CFAP77: variants seen among roughly 807,000 people sequenced by gnomAD.
The protein encoded by CFAP77 is cilia- and flagella-associated protein 77.
In CFAP77, 25 loss-of-function variants were observed where a neutral mutation model predicts 31.1. That is an observed-to-expected ratio of 0.80 (90% CI 0.59 to 1.12). The LOEUF is 1.12. Among genes scored for constraint, CFAP77 ranks in the 50% most tolerant of loss-of-function variants. The probability of loss-of-function intolerance (pLI) is 0.00; values close to 1 mark genes in which losing one functional copy is unlikely to be tolerated. For missense variants in CFAP77, 377 were observed against 397.3 expected (o/e 0.95, Z 0.44); for synonymous variants, 151 against 159.9 (o/e 0.94, Z 0.42).
At chr9:132,463,446 G>A (rs550051695) in intron 1 of CFAP77, among the ~76,000 whole-genome samples, 37 of 152,288 alleles carry the variant, frequency 2.4e-4, no homozygotes, top group Non-Finnish European at 4.7e-4. Context: ...AAGTCAGGAA[G>A]CTGGGACAAA....
rs1008546262 is a variant in CFAP77, at chr9:132,564,302, G to T, written c.733-8086G>T. ...GATAGCACCAGTTCATTCCACATGA[G>T]GATTTTTTCATTGAAAGTAGAACAG... On this transcript the variant is annotated intron_variant, in intron 5 of 5. Coordinates refer to ENST00000393216, the MANE Select transcript of CFAP77 (RefSeq NM_001282957.2). The surrounding 1 kb of genome is among the most constrained non-coding windows in gnomAD (Gnocchi z 4.6). Among the ~76,000 whole-genome samples the T allele has an allele frequency of 6.6e-6, 1 of 152,104 alleles. No homozygotes were observed. Among genetic ancestry groups the T allele is most frequent in the Non-Finnish European group, 1.5e-5 (1 of 68,014 alleles).
intron 1 of CFAP77, among the ~76,000 whole-genome samples, chr9:132,469,827 G>C (rs1851221144): frequency 6.7e-6 from 1 of 149,756 alleles, no homozygotes; most frequent in Non-Finnish European, 1.5e-5. Context: ...GACTCTGCCA[G>C]TTGCTCCGTG....
At chr9:132,522,791 G>T (rs900177444) in intron 3 of CFAP77, among the ~76,000 whole-genome samples, 1 of 152,200 alleles carries the variant, frequency 6.6e-6, no homozygotes, top group African/African-American at 2.4e-5. Flanking sequence ...AAAACAAACG[G>T]CCTGGAGAGT....
chr9:132,501,597 T>A lies in CFAP77; in HGVS notation c.524+1997T>A, dbSNP rs568908420. Among the ~76,000 whole-genome samples the A allele has an allele frequency of 3.7e-4, 57 of 152,284 alleles. No homozygotes were observed. Among genetic ancestry groups the A allele is most frequent in the Middle Eastern group, 3.4e-3 (1 of 294 alleles). On this transcript the variant is annotated intron_variant, in intron 3 of 5. Transcript: ENST00000393216. This position sits in a 1 kb window ranked among gnomAD's most constrained non-coding sequence, Gnocchi z 4.6. ...TTTGTATTTATAGTAGAGACGGGGT[T>A]TCACCATGTTGGCCAGGCTGGTCTT...
intron 1 of CFAP77, among the ~76,000 whole-genome samples, chr9:132,477,126 G>A (rs985051840): frequency 2.0e-5 from 3 of 152,184 alleles, no homozygotes; most frequent in Non-Finnish European, 2.9e-5. Context: ...ATGCTCAGAA[G>A]CCTGGGAGGC....
chr9:132,476,942 A>G (rs1851355271), intron 1 of CFAP77, among the ~76,000 whole-genome samples: 1 of 152,224 alleles, frequency 6.6e-6, no homozygotes. Context: ...AGCAGCCACA[A>G]GAAACGGATA....
At chr9:132,428,207 C>T (rs1293359158) in intron 1 of CFAP77, among the ~76,000 whole-genome samples, 1 of 151,648 alleles carries the variant, frequency 6.6e-6, no homozygotes, top group Non-Finnish European at 1.5e-5. Context: ...CATGGGTCTT[C>T]CAGTGTTACC....
chr9:132,507,767 C>A (rs1589894104), intron 3 of CFAP77, among the ~76,000 whole-genome samples: 1 of 152,172 alleles, frequency 6.6e-6, no homozygotes, highest in African/African-American at 2.4e-5. Flanking sequence ...GAGGCAGTTT[C>A]TGAAGGGCGA....
At chr9:132,537,550 G>A (rs1745675546) in intron 3 of CFAP77, 51 bp from the exon 4 acceptor site, 2 of 1,404,726 alleles carry the variant, frequency 1.4e-6, no homozygotes, top group East Asian at 2.3e-5. Flanking sequence ...GGGAGCGGGT[G>A]CCTCTGGTCT....
At chr9:132,522,318 T>TG (rs1407480269) in intron 3 of CFAP77, among the ~76,000 whole-genome samples, 3 of 152,100 alleles carry the variant, frequency 2.0e-5, no homozygotes, top group African/African-American at 7.2e-5. Flanking sequence ...GCCGGAAGGG[T>TG]GGGAGTCCAG....
At chr9:132,519,509 TGGG>T (rs1852214955) in intron 3 of CFAP77, among the ~76,000 whole-genome samples, 1 of 62,896 alleles carries the variant, frequency 1.6e-5, no homozygotes, top group Admixed American at 1.6e-4. Context: ...CATGGATGGG[TGGG>T]TGGGTGGGTA....
In CFAP77 at chr9:132,416,306, A is replaced by G. The variant is rs574056547; in HGVS notation, c.195+5840A>G. 2.7e-5 allele frequency among the ~76,000 whole-genome samples: 4 copies of G among 148,850 alleles called. No individual in the cohort carries two copies. The South Asian group carries it at 8.6e-4, about 32-fold the overall frequency. On this transcript the variant is annotated intron_variant, in intron 1 of 5. Transcript: ENST00000393216. ...TATGCTATAACTGTTGATATGCTAT[A>G]ACTGTTGAGTGCTTCTTATCTGATT... is the stretch of plus-strand genomic sequence containing the variant.
In CFAP77 at chr9:132,410,392, A is replaced by T; in HGVS notation, c.121A>T (p.Ile41Phe). 6.2e-7 allele frequency: 1 copy of T among 1,601,416 alleles called. No individual in the cohort carries two copies. The highest frequency in any genetic ancestry group is 8.5e-7 in the Non-Finnish European group (1 of 1,175,384). ...GCGGCGGCCCCTGACCGTGGCGGAC[A>T]TCCGTTCCGGCATGGAGAACGAGCG... ...PPRRPLTVADIRSGMENERLG... is the reference protein window; with the variant it reads ...PPRRPLTVADFRSGMENERLG... Residue 41 changes from isoleucine to phenylalanine, a missense_variant, in exon 1 of 6, where the codon ATC (isoleucine) becomes TTC (phenylalanine). Transcript: ENST00000393216.
At chr9:132,562,677 TTTG>T (rs1197696927) in intron 5 of CFAP77, among the ~76,000 whole-genome samples, 15 of 152,068 alleles carry the variant, frequency 9.9e-5, no homozygotes, top group Admixed American at 6.5e-4. Flanking sequence ...AGCACTTGTT[TTTG>T]TTGTTGTTGT....
At position 132,552,012 on chromosome 9, in the gene CFAP77, G is replaced by A. The variant is rs950659673; in HGVS notation, c.732+8965G>A. 3.9e-5 allele frequency among the ~76,000 whole-genome samples: 6 copies of A among 152,308 alleles called. No individual in the cohort carries two copies. Among genetic ancestry groups the A allele is most frequent in the African/African-American group, 7.2e-5 (3 of 41,560 alleles). On this transcript the variant is annotated intron_variant, in intron 5 of 5. Coordinates refer to ENST00000393216, the MANE Select transcript of CFAP77 (RefSeq NM_001282957.2). The surrounding 1 kb of genome is among the most constrained non-coding windows in gnomAD (Gnocchi z 5.5). ...AGCCTCTAGACCTTGATAAAACCTC[G>A]GGCATCTTTTAAATTGCAGTTTGGC...
At chr9:132,411,257 G>T (rs540502574) in intron 1 of CFAP77, among the ~76,000 whole-genome samples, 1 of 152,312 alleles carries the variant, frequency 6.6e-6, no homozygotes, top group African/African-American at 2.4e-5. Context: ...GGAGGGCAGT[G>T]CGCCTTTAAA....
chr9:132,508,315 G>C (rs949874560), intron 3 of CFAP77, among the ~76,000 whole-genome samples: 6 of 152,222 alleles, frequency 3.9e-5, no homozygotes, highest in Non-Finnish European at 7.3e-5. Flanking sequence ...TCAGAACAAA[G>C]GAGGTGACCT....
chr9:132,548,678 G>T (rs1488714900), intron 5 of CFAP77, among the ~76,000 whole-genome samples: 1 of 142,170 alleles, frequency 7.0e-6, no homozygotes, highest in Non-Finnish European at 1.5e-5. Context: ...CTGTTGGCTG[G>T]CGGGGGGGTC....
intron 1 of CFAP77, among the ~76,000 whole-genome samples, chr9:132,433,694 T>G (rs1004687238): frequency 4.6e-5 from 7 of 151,548 alleles, no homozygotes; most frequent in African/African-American, 1.5e-4. Flanking sequence ...ATTACAGGTG[T>G]GAGCCACCAT....
Sources: allele counts gnomAD v4.1 joint callset (sites outside exome capture counted in the v4.1 genomes callset), GRCh38; gene constraint gnomAD v4.1.1; non-coding constraint Gnocchi (gnomAD v3.1); transcripts MANE v1.5; gene names NCBI Gene and HGNC (gene_info 2026-07-23, HGNC 2026-07-21).